Variants in ATF1 observed in about 807,000 individuals in gnomAD.
ATF1 encodes activating transcription factor 1, also known as cyclic AMP-dependent transcription factor ATF-1.
Under a neutral mutation model 34.7 loss-of-function variants are expected in ATF1, and 16 were observed. The ratio of observed to expected loss-of-function variants is 0.46; its 90% CI spans 0.31 to 0.70. The LOEUF is 0.70. Among genes scored for constraint, ATF1 ranks in the 30% least tolerant of loss-of-function variants. The pLI is 0.05. For missense variants in ATF1, 255 were observed against 321.6 expected (o/e 0.79, Z 1.58); for synonymous variants, 105 against 113.1 (o/e 0.93, Z 0.46).
At chr12:50,801,476 A>G (rs1381017642) in intron 3 of ATF1, among the ~76,000 whole-genome samples, 1 of 152,244 alleles carries the variant, frequency 6.6e-6, no homozygotes, top group East Asian at 1.9e-4. Flanking sequence ...GTGGAAGATC[A>G]GCCAATACTG....
intron 3 of ATF1, among the ~76,000 whole-genome samples, chr12:50,797,128 G>A (rs1170756840): frequency 6.6e-6 from 1 of 152,168 alleles, no homozygotes; most frequent in African/African-American, 2.4e-5. Flanking sequence ...AACACAGAAT[G>A]AGAAGGTCCA....
intron 1 of ATF1, among the ~76,000 whole-genome samples, chr12:50,766,661 C>T (rs1404385902): frequency 1.4e-5 from 2 of 145,928 alleles, no homozygotes; most frequent in East Asian, 4.1e-4. Context: ...CCCCCCTCCC[C>T]CCATAAAAGG....
chr12:50,776,087 C>T (rs58672745), intron 1 of ATF1, among the ~76,000 whole-genome samples: 1,831 of 151,968 alleles, frequency 0.012, 31 homozygotes, highest in African/African-American at 0.041. Context: ...CCGAGGAGGG[C>T]GGATCATGAG....
At chr12:50,818,663 G>A (rs1305156198) in intron 6 of ATF1, among the ~76,000 whole-genome samples, 1 of 152,106 alleles carries the variant, frequency 6.6e-6, no homozygotes, top group Admixed American at 6.6e-5. Context: ...AGGGTGGAGT[G>A]CAGTGGCGCG....
chr12:50,769,849 G>A (rs534282068), intron 1 of ATF1, among the ~76,000 whole-genome samples: 25 of 152,232 alleles, frequency 1.6e-4, no homozygotes, highest in African/African-American at 5.8e-4. Context: ...TTAAATGCAG[G>A]TTTCTAATAA....
At chr12:50,768,120 G>A (rs1940684001) in intron 1 of ATF1, among the ~76,000 whole-genome samples, 1 of 152,102 alleles carries the variant, frequency 6.6e-6, no homozygotes, top group African/African-American at 2.4e-5. Flanking sequence ...TGATCCACCT[G>A]CCTCAGCCTC....
chr12:50,764,832 C>T (rs1004707509), intron 1 of ATF1, among the ~76,000 whole-genome samples: 2 of 152,246 alleles, frequency 1.3e-5, no homozygotes, highest in African/African-American at 4.8e-5. Flanking sequence ...AACCGACGCA[C>T]GGGCATTGCG....
intron 2 of ATF1, among the ~76,000 whole-genome samples, chr12:50,787,857 G>A (rs963714968): frequency 5.3e-5 from 8 of 152,190 alleles, no homozygotes; most frequent in African/African-American, 1.7e-4. Context: ...TACCCACAAC[G>A]AAAACAGAGA....
intron 2 of ATF1, among the ~76,000 whole-genome samples, chr12:50,783,007 A>G (rs1178175608): frequency 2.6e-5 from 4 of 152,068 alleles, no homozygotes; most frequent in Admixed American, 6.6e-5. Context: ...GCTGTTTTCT[A>G]TTAAGCCAGA....
chr12:50,768,527 C>T (rs1940694529), intron 1 of ATF1, among the ~76,000 whole-genome samples: 1 of 152,122 alleles, frequency 6.6e-6, no homozygotes, highest in African/African-American at 2.4e-5. Flanking sequence ...ACCCTGAAGC[C>T]GGTAATCCAA....
chr12:50,816,015 A>C (rs1370652575), intron 6 of ATF1, among the ~76,000 whole-genome samples: 2 of 152,194 alleles, frequency 1.3e-5, no homozygotes, highest in South Asian at 4.1e-4. Context: ...TGGGAGCTAA[A>C]ATATTTGAAC....
At position 50,795,963 on chromosome 12, in the gene ATF1, T is replaced by A; in HGVS notation, c.148T>A (p.Ser50Thr). 6.2e-7 allele frequency: 1 copy of A among 1,612,922 alleles called. No individual in the cohort carries two copies. The highest frequency in any genetic ancestry group is 1.3e-5 in the African/African-American group (1 of 74,914). The change falls in exon 3 of 7, where the codon TCC (serine) becomes ACC (threonine). Residue 50 changes from serine (S) to threonine (T), a missense_variant. This residue lies in a region of ATF1 where 221 missense variants were observed against 250.7 expected (regional missense o/e 0.88). Coordinates refer to ENST00000262053, the MANE Select transcript of ATF1 (RefSeq NM_005171.5). ...ESQDSSDSIGSSQKAHGILAR... is the reference protein window; with the variant it reads ...ESQDSSDSIGTSQKAHGILAR... Reference sequence around the variant, plus strand: ...CCAGGACTCATCCGACAGCATAGGCTCCTCACAGAAAGCCCACGGGATCCT... The same window carrying A: ...CCAGGACTCATCCGACAGCATAGGCACCTCACAGAAAGCCCACGGGATCCT...
intron 1 of ATF1, among the ~76,000 whole-genome samples, chr12:50,773,737 C>G (rs552169095): frequency 6.6e-6 from 1 of 151,806 alleles, no homozygotes; most frequent in Non-Finnish European, 1.5e-5. Context: ...CTACAGGTGC[C>G]CACCACCACG....
intron 2 of ATF1, among the ~76,000 whole-genome samples, chr12:50,789,929 ATAGGGAC>A (rs771069874): frequency 1.3e-5 from 2 of 152,154 alleles, no homozygotes; most frequent in African/African-American, 2.4e-5. Flanking sequence ...GTAATAAGGG[ATAGGGAC>A]TACCACTAGC....
intron 4 of ATF1, among the ~76,000 whole-genome samples, chr12:50,810,721 C>T (rs553493416): frequency 1.3e-5 from 2 of 152,126 alleles, no homozygotes; most frequent in Non-Finnish European, 2.9e-5. Context: ...TAATCTGTTT[C>T]ATTCAGTCTT....
At chr12:50,765,726 A>C (rs917122253) in intron 1 of ATF1, among the ~76,000 whole-genome samples, 1 of 152,216 alleles carries the variant, frequency 6.6e-6, no homozygotes, top group African/African-American at 2.4e-5. Flanking sequence ...GTTGCAGTAA[A>C]GAAGCCGGCC....
intron 1 of ATF1, among the ~76,000 whole-genome samples, chr12:50,766,511 CTTTT>C (rs111298206): frequency 7.0e-6 from 1 of 143,398 alleles, no homozygotes; most frequent in African/African-American, 2.6e-5. Context: ...AAAGGGGAGT[CTTTT>C]TTTTTTTTAA....
At position 50,780,126 on chromosome 12, in the gene ATF1, T is replaced by G. The variant is rs746160528; in HGVS notation, c.-6-14T>G. The G allele has an allele frequency of 1.9e-6, 3 of 1,576,750 alleles. No individual in the cohort carries two copies. The highest frequency in any genetic ancestry group is 1.7e-6 in the Non-Finnish European group (2 of 1,147,806). On this transcript the variant is annotated splice_polypyrimidine_tract_variant and intron_variant, in intron 1 of 6. Transcript: ENST00000262053. Reference sequence around the variant, plus strand: ...ATCATATTTAATTTTAACGGACTTTTTTCCCCCTTATAGTTGATTATGGAA... The same window carrying G: ...ATCATATTTAATTTTAACGGACTTTGTTCCCCCTTATAGTTGATTATGGAA...
chr12:50,792,699 A>G (rs780633918), intron 2 of ATF1, among the ~76,000 whole-genome samples: 3 of 152,200 alleles, frequency 2.0e-5, no homozygotes, highest in Admixed American at 6.5e-5. Context: ...TTTCATGTAT[A>G]TAATACCTAG....
Sources: gnomAD v4.1 joint callset for allele counts (sites outside exome capture counted in the v4.1 genomes callset) on GRCh38, gnomAD v4.1.1 for gene constraint, gnomAD v4.1.1 regional missense constraint, MANE v1.5 for transcripts, NCBI Gene and HGNC (gene_info 2026-07-23, HGNC 2026-07-21) for gene names.